The following NETO1 variants were observed in gnomAD, a reference collection of about 807,000 sequenced individuals.
NETO1 encodes neuropilin and tolloid-like protein 1.
Under a neutral mutation model 61.3 loss-of-function variants are expected in NETO1, and 26 were observed. That is an observed-to-expected ratio of 0.42 (90% CI 0.31 to 0.59). The LOEUF (loss-of-function observed/expected upper bound fraction) is 0.59. Ranked by LOEUF, NETO1 falls within the 20% of genes least tolerant of loss-of-function variation. The pLI is 0.12. For synonymous variants in NETO1, 225 were observed against 225.8 expected (o/e 1.00, Z 0.03); for missense variants, 531 against 662.8 (o/e 0.80, Z 2.18).
chr18:72,772,790 T>TAC (rs1555684168), intron 7 of NETO1, among the ~76,000 whole-genome samples: 7 of 98,596 alleles, frequency 7.1e-5, no homozygotes, highest in East Asian at 3.8e-4. Context: ...GATCTCTATA[T>TAC]AGTTCTCTCT....
intron 7 of NETO1, among the ~76,000 whole-genome samples, chr18:72,783,110 C>A (rs2071798541): frequency 6.6e-6 from 1 of 152,160 alleles, no homozygotes; most frequent in Non-Finnish European, 1.5e-5. Context: ...TTTATTAGAA[C>A]ATAACTTTCT....
chr18:72,772,813 CTCTCTCTCTCTCTATATA>C (rs2071407929), intron 7 of NETO1, among the ~76,000 whole-genome samples: 5 of 53,584 alleles, frequency 9.3e-5, no homozygotes, highest in Non-Finnish European at 1.4e-4. Context: ...CTCTCTCTCT[CTCTCTCTCTCTCTATATA>C]TATATATATA....
chr18:72,821,333 G>A lies in NETO1; in HGVS notation c.470-26929C>T, dbSNP rs990151366. The stretch of plus-strand genomic sequence containing the variant: ...CGAGGTGGGCGGATCACCTGAGGTC[G>A]GGAGTTCGAGACCAGCCTGACCAAC... On this transcript the variant is annotated intron_variant, in intron 4 of 10. Coordinates refer to ENST00000327305, the MANE Select transcript of NETO1 (RefSeq NM_138966.5). Among the ~76,000 whole-genome samples the A allele has an allele frequency of 7.3e-5, 11 of 150,806 alleles. No homozygotes were observed. The East Asian group carries it at 1.6e-3, about 21-fold the overall frequency.
At chr18:72,801,790 T>C (rs916318463) in intron 4 of NETO1, among the ~76,000 whole-genome samples, 1 of 152,214 alleles carries the variant, frequency 6.6e-6, no homozygotes, top group African/African-American at 2.4e-5. Context: ...TATATAACAA[T>C]TATACGGCTT....
chr18:72,774,422 A>G (rs952708088), intron 7 of NETO1, among the ~76,000 whole-genome samples: 1 of 152,190 alleles, frequency 6.6e-6, no homozygotes, highest in African/African-American at 2.4e-5. Context: ...ATGTGTATTC[A>G]AAATTAAAAT....
chr18:72,758,841 CAAAACAAACAAACA>C (rs967753100), intron 7 of NETO1, among the ~76,000 whole-genome samples: 2 of 151,990 alleles, frequency 1.3e-5, no homozygotes, highest in African/African-American at 2.4e-5. Context: ...GACCCTATCT[CAAAACAAACAAACA>C]AAAACAAACA....
chr18:72,867,183 T>A, intron 1 of NETO1, 81 bp downstream of exon 1: 2 of 1,138,722 alleles, frequency 1.8e-6, no homozygotes, highest in Non-Finnish European at 1.2e-6. Flanking sequence ...GCGCAGAGGC[T>A]TTTCCTGCGC....
intron 4 of NETO1, among the ~76,000 whole-genome samples, chr18:72,798,599 C>T (rs1014333479): frequency 2.6e-5 from 4 of 152,076 alleles, no homozygotes; most frequent in Non-Finnish European, 4.4e-5. Context: ...ATGTGACACA[C>T]CCATTATTTT....
At chr18:72,766,015 C>A (rs143735781) in intron 7 of NETO1, among the ~76,000 whole-genome samples, 1 of 151,812 alleles carries the variant, frequency 6.6e-6, no homozygotes, top group Non-Finnish European at 1.5e-5. Flanking sequence ...AAGACCAGCT[C>A]GGTCAACATG....
chr18:72,836,355 A>G (rs1210526593), intron 4 of NETO1, among the ~76,000 whole-genome samples: 6 of 152,132 alleles, frequency 3.9e-5, no homozygotes, highest in Non-Finnish European at 8.8e-5. Context: ...GTTCAGGTAC[A>G]CTTGTCATAC....
intron 4 of NETO1, 151 bp downstream of exon 4, chr18:72,858,675 G>T (rs1343836409): frequency 2.6e-6 from 2 of 772,416 alleles, no homozygotes; most frequent in African/African-American, 1.8e-5. Flanking sequence ...CAGAATTTGT[G>T]TAGGGAAAAG....
Position 72,838,956 on chromosome 18 carries a change from T to C in NETO1, c.469+19870A>G, listed in dbSNP as rs111477509. Among the ~76,000 whole-genome samples, 26 of 152,310 alleles carry C rather than the reference T, an allele frequency of 1.7e-4. 1 individual carries two copies. Among genetic ancestry groups the C allele is most frequent in the African/African-American group, 6.3e-4 (26 of 41,558 alleles). On this transcript the variant is annotated intron_variant, in intron 4 of 10. Transcript: ENST00000327305. ...CTGCTATACTCATGATAATTATTCATCCTTCAGGATTGTTTTAGAAGCTAA... is the reference window on the plus strand; with the variant it reads ...CTGCTATACTCATGATAATTATTCACCCTTCAGGATTGTTTTAGAAGCTAA...
rs2071819973 is a variant in NETO1, at chr18:72,783,741, T to G, written c.805A>C (p.Met269Leu). 3.1e-6 allele frequency: 5 copies of G among 1,614,178 alleles called. No individual in the cohort carries two copies. The highest frequency in any genetic ancestry group is 4.2e-6 in the Non-Finnish European group (5 of 1,180,026). The change falls in exon 7 of 11, where the codon ATG becomes CTG. Residue 269 changes from methionine (M) to leucine (L), a missense_variant. Transcript: ENST00000327305. ...TTTCGACTGCCCTCATCTGCCCACA[T>G]GCGGATCACCCCAAGACCCGTGCGT... ...MLRTGLGVIR[M>L]WADEGSRNSR...
intron 7 of NETO1, among the ~76,000 whole-genome samples, chr18:72,781,221 T>G (rs2071726519): frequency 6.6e-6 from 1 of 152,194 alleles, no homozygotes; most frequent in Non-Finnish European, 1.5e-5. Flanking sequence ...TATATTAGCT[T>G]GCCCTTCCAA....
At chr18:72,780,340 C>A (rs1315034632) in intron 7 of NETO1, among the ~76,000 whole-genome samples, 1 of 152,156 alleles carries the variant, frequency 6.6e-6, no homozygotes, top group Non-Finnish European at 1.5e-5. Flanking sequence ...GAAAAGTCAA[C>A]CCACTTCAAT....
In NETO1 at chr18:72,783,786, C is replaced by T. The variant is rs766053260; in HGVS notation, c.760G>A (p.Val254Met). ...EDLKAKFCST[V>M]ANDVMLRTGL... ...GTGCGTAGCATGACATCATTAGCCA[C>T]AGTGCTACAGAACTTAGCTTTCAAA... Residue 254 changes from valine to methionine, a missense_variant, in exon 7 of 11, where the codon GTG becomes ATG. Coordinates refer to ENST00000327305, the MANE Select transcript of NETO1 (RefSeq NM_138966.5). 1.9e-6 allele frequency: 3 copies of T among 1,614,086 alleles called. No homozygotes were observed. Among genetic ancestry groups the T allele is most frequent in the South Asian group, 2.2e-5 (2 of 91,086 alleles).
intron 3 of NETO1, among the ~76,000 whole-genome samples, chr18:72,863,106 C>T (rs1198012681): frequency 3.9e-5 from 6 of 152,156 alleles, no homozygotes; most frequent in Non-Finnish European, 2.9e-5. Context: ...TTCAATGGCA[C>T]CTCATTGTCT....
At chr18:72,773,527 A>G (rs12607873) in intron 7 of NETO1, among the ~76,000 whole-genome samples, 3 of 151,916 alleles carry the variant, frequency 2.0e-5, no homozygotes, top group African/African-American at 7.2e-5. Context: ...TTGAATTGTA[A>G]TAATCCCCAG....
intron 3 of NETO1, 112 bp from the exon 4 acceptor site, chr18:72,859,186 G>A: frequency 2.0e-6 from 2 of 1,006,848 alleles, no homozygotes; most frequent in Non-Finnish European, 2.9e-6. Context: ...CTTTATGGAT[G>A]ATATGCATAG....
Sources: allele counts gnomAD v4.1 joint callset (sites outside exome capture counted in the v4.1 genomes callset), GRCh38; gene constraint gnomAD v4.1.1; transcripts MANE v1.5; gene names NCBI Gene and HGNC (gene_info 2026-07-23, HGNC 2026-07-21).